TTC28: variants seen among roughly 807,000 people sequenced by gnomAD.
TTC28 encodes the protein tetratricopeptide repeat protein 28.
TTC28 carries 61 observed loss-of-function variants against 198.0 expected under a neutral mutation model. The observed-to-expected ratio is 0.31, with a 90% CI of 0.25 to 0.38. The LOEUF (loss-of-function observed/expected upper bound fraction) is 0.38, where lower values mean the gene tolerates loss of function less well. Among genes scored for constraint, TTC28 ranks in the 10% least tolerant of loss-of-function variants. The pLI, the probability that TTC28 is intolerant of heterozygous loss-of-function variation, is 1.00. For missense variants in TTC28, 2,678 were observed against 3,164.0 expected, an observed-to-expected ratio of 0.85 and a Z score of 3.69; for synonymous variants, 1,171 against 1,297.8, an observed-to-expected ratio of 0.90 and a Z score of 2.10.
chr22:28,587,601 C>T (rs1008206005), intron 2 of TTC28, among the ~76,000 whole-genome samples: 1 of 151,844 alleles, frequency 6.6e-6, no homozygotes, highest in Admixed American at 6.6e-5. Context: ...CGTACACCAC[C>T]ACGCCTGGCT....
chr22:28,008,932 A>G (rs1352028513), intron 14 of TTC28, among the ~76,000 whole-genome samples: 1 of 152,242 alleles, frequency 6.6e-6, no homozygotes, highest in Non-Finnish European at 1.5e-5. Flanking sequence ...AGGGAAGTCC[A>G]GGTCAGAGAC....
intron 5 of TTC28, among the ~76,000 whole-genome samples, chr22:28,216,387 C>G (rs544769290): frequency 6.6e-6 from 1 of 152,214 alleles, no homozygotes; most frequent in South Asian, 2.1e-4. Flanking sequence ...TGGCCTGAAC[C>G]TTTGGTGCAC....
At chr22:28,090,940 C>T (rs575388092) in intron 12 of TTC28, among the ~76,000 whole-genome samples, 8 of 152,104 alleles carry the variant, frequency 5.3e-5, no homozygotes, top group Non-Finnish European at 1.0e-4. Context: ...ACAGGAAAAA[C>T]CTTATTTCTA....
In TTC28 at chr22:28,254,695, C is replaced by T. The variant is rs134190; in HGVS notation, c.933+41503G>A. 0.014 allele frequency among the ~76,000 whole-genome samples: 2,113 copies of T among 152,182 alleles called. 94 individuals carry two copies. The East Asian group carries it at 0.15, about 11-fold the overall frequency. On this transcript the variant is annotated intron_variant, in intron 5 of 22. Transcript: ENST00000397906. Reference sequence around the variant, plus strand: ...CAGATATAACAGCATGTTAAAATCCCTAGGTGCTAGAAACAAAGAGGGAAC... The same window carrying T: ...CAGATATAACAGCATGTTAAAATCCTTAGGTGCTAGAAACAAAGAGGGAAC...
At chr22:28,629,080 T>C (rs1405184323) in intron 2 of TTC28, among the ~76,000 whole-genome samples, 1 of 152,066 alleles carries the variant, frequency 6.6e-6, no homozygotes, top group African/African-American at 2.4e-5. Flanking sequence ...AAGGGGACTA[T>C]TCAAGGGAAT....
intron 5 of TTC28, among the ~76,000 whole-genome samples, chr22:28,196,050 C>G (rs1266928441): frequency 7.2e-5 from 11 of 151,838 alleles, no homozygotes; most frequent in Non-Finnish European, 1.5e-5. Flanking sequence ...TACAAGGCTA[C>G]AGTAACCAAA....
At chr22:28,086,311 G>A (rs1227604254) in intron 12 of TTC28, among the ~76,000 whole-genome samples, 5 of 152,158 alleles carry the variant, frequency 3.3e-5, no homozygotes, top group Admixed American at 6.6e-5. Flanking sequence ...ATAACAAACT[G>A]TCTCTCAGAC....
rs535274354 is a variant in TTC28 at position 28,296,702 on chromosome 22, C to G, written c.803-374G>C. On this transcript the variant is annotated intron_variant, in intron 4 of 22. Coordinates refer to ENST00000397906, the MANE Select transcript of TTC28 (RefSeq NM_001145418.2). ...TTGGTTCAGTCATTTGACTCCAAAT[C>G]TACAAAAAAATATCTTTACAAGTAT... Among the ~76,000 whole-genome samples the G allele has an allele frequency of 1.1e-4, 17 of 152,246 alleles. 1 individual carries two copies. The highest frequency in any genetic ancestry group is 3.9e-4 in the African/African-American group (16 of 41,550).
chr22:28,032,249 A>T (rs1433943052), intron 12 of TTC28, among the ~76,000 whole-genome samples: 25 of 74,836 alleles, frequency 3.3e-4, no homozygotes, highest in African/African-American at 1.3e-3. Flanking sequence ...TATATATATA[A>T]AATATATATA....
At chr22:28,639,478 A>G (rs922298054) in intron 1 of TTC28, among the ~76,000 whole-genome samples, 3 of 152,202 alleles carry the variant, frequency 2.0e-5, no homozygotes, top group African/African-American at 7.2e-5. Flanking sequence ...GTGTACTGAT[A>G]TGGTTTGGCT....
intron 21 of TTC28, among the ~76,000 whole-genome samples, chr22:27,988,386 C>CAAAT (rs774306279): frequency 4.0e-5 from 6 of 148,840 alleles, no homozygotes; most frequent in Non-Finnish European, 5.9e-5. Context: ...CTCCTGGGTT[C>CAAAT]AAATGATTCT....
At chr22:28,584,756 A>G (rs2050288669) in intron 2 of TTC28, among the ~76,000 whole-genome samples, 1 of 152,232 alleles carries the variant, frequency 6.6e-6, no homozygotes. Flanking sequence ...GAGAGTTACT[A>G]AAAAGTTGGA....
intron 5 of TTC28, among the ~76,000 whole-genome samples, chr22:28,198,432 G>GA (rs1425303518): frequency 6.6e-6 from 1 of 151,898 alleles, no homozygotes; most frequent in African/African-American, 2.4e-5. Context: ...TCACATTATA[G>GA]AAAAAAATTA....
chr22:28,527,115 A>G (rs1003463641), intron 2 of TTC28, among the ~76,000 whole-genome samples: 1 of 152,152 alleles, frequency 6.6e-6, no homozygotes, highest in Admixed American at 6.6e-5. Flanking sequence ...TGAGGACACC[A>G]GTGGCACTCT....
chr22:28,502,423 G>A (rs1388994353), intron 2 of TTC28, among the ~76,000 whole-genome samples: 1 of 151,838 alleles, frequency 6.6e-6, no homozygotes, highest in Non-Finnish European at 1.5e-5. Context: ...GCCGGATCAT[G>A]AGGTCAGGAG....
intron 2 of TTC28, among the ~76,000 whole-genome samples, chr22:28,364,050 T>C (rs1004259126): frequency 2.0e-5 from 3 of 152,154 alleles, no homozygotes; most frequent in African/African-American, 4.8e-5. Context: ...TGTTTTGAAA[T>C]GTAGGACATG....
chr22:28,386,304 A>AAAAG (rs1569296639), intron 2 of TTC28, among the ~76,000 whole-genome samples: 2 of 124,100 alleles, frequency 1.6e-5, no homozygotes, highest in African/African-American at 5.9e-5. Flanking sequence ...AAAAAAAAAA[A>AAAAG]AAGAAGGCTT....
chr22:28,265,882 A>G (rs913514308), intron 5 of TTC28, among the ~76,000 whole-genome samples: 1 of 152,158 alleles, frequency 6.6e-6, no homozygotes, highest in African/African-American at 2.4e-5. Flanking sequence ...GGCAATACTT[A>G]TTACAATTAT....
chr22:28,327,433 T>A (rs751388164), intron 2 of TTC28, among the ~76,000 whole-genome samples: 1 of 152,198 alleles, frequency 6.6e-6, no homozygotes, highest in South Asian at 2.1e-4. Flanking sequence ...TATTCAGGCA[T>A]GAGTGATACT....
Sources: gnomAD v4.1 joint callset for allele counts (sites outside exome capture counted in the v4.1 genomes callset) on GRCh38, gnomAD v4.1.1 for gene constraint, MANE v1.5 for transcripts, NCBI Gene and HGNC (gene_info 2026-07-23, HGNC 2026-07-21) for gene names.